The following SALL1 variants were observed in gnomAD, a reference collection of about 807,000 sequenced individuals.
SALL1 encodes spalt like transcription factor 1.
A neutral mutation model predicts 73.1 loss-of-function variants in SALL1; 10 were observed. The ratio of observed to expected loss-of-function variants is 0.14; its 90% CI spans 0.08 to 0.23. The LOEUF (loss-of-function observed/expected upper bound fraction) is 0.23. Among genes scored for constraint, SALL1 ranks in the 10% least tolerant of loss-of-function variants. SALL1 has a pLI of 1.00. For synonymous variants in SALL1, 688 were observed against 689.8 expected (o/e 1.00, Z 0.04); for missense variants, 1,520 against 1,697.3 (o/e 0.90, Z 1.84).
intron 1 of SALL1, 75 bp downstream of exon 1, chr16:51,151,091 G>A: frequency 1.8e-6 from 2 of 1,082,410 alleles, no homozygotes; most frequent in Non-Finnish European, 2.5e-6. Context: ...GGGGCCAGCC[G>A]CGTGTGAGTG....
Position 51,140,978 on chromosome 16 carries a change from T to G in SALL1, c.1244A>C (p.Asp415Ala), listed in dbSNP as rs1314020183. The G allele has an allele frequency of 1.9e-6, 3 of 1,614,094 alleles. No individual in the cohort carries two copies. Among genetic ancestry groups the G allele is most frequent in the Non-Finnish European group, 2.5e-6 (3 of 1,180,048 alleles). ...GGCCAAGGCAGACAAGGAGTTTAAA[T>G]CCTCTGCAGTTGTTCCGATGTTGGG... ...PLPNIGTTAE[D>A]LNSLSALAQQ... The change falls in exon 2 of 3, where the codon GAT becomes GCT. Residue 415 changes from aspartate to alanine, a missense_variant. By Grantham distance (126) the Asp-to-Ala change is moderately radical. This residue lies in a region of SALL1 where 540 missense variants were observed against 567.5 expected (regional missense o/e 0.95). Coordinates refer to ENST00000251020, the MANE Select transcript of SALL1 (RefSeq NM_002968.3). This position sits in a 1 kb window ranked among gnomAD's most constrained non-coding sequence, Gnocchi z 5.7.
rs778181416 is a variant in SALL1 at position 51,140,132 on chromosome 16, T to C, written c.2090A>G (p.Asn697Ser). 1 of 1,614,114 alleles carries C rather than the reference T, an allele frequency of 6.2e-7. No individual in the cohort carries two copies. The change falls in exon 2 of 3, where the codon AAC becomes AGC. Residue 697 changes from asparagine to serine, a missense_variant. Transcript: ENST00000251020. This position sits in a 1 kb window ranked among gnomAD's most constrained non-coding sequence, Gnocchi z 5.7. ...ETSKLQQLVE[N>S]IDKKATDPNE... ...GGGGTCAGTGGCCTTCTTGTCAATGTTTTCTACCAGTTGCTGAAGCTTGGA... is the reference window on the plus strand; with the variant it reads ...GGGGTCAGTGGCCTTCTTGTCAATGCTTTCTACCAGTTGCTGAAGCTTGGA...
intron 1 of SALL1, among the ~76,000 whole-genome samples, chr16:51,148,569 G>A (rs993911768): frequency 1.3e-5 from 2 of 152,214 alleles, no homozygotes; most frequent in Non-Finnish European, 2.9e-5. Flanking sequence ...ACTCCTAGAA[G>A]TATGGGTTAT....
At position 51,140,891 on chromosome 16, in the gene SALL1, T is replaced by G. The variant is rs915039145; in HGVS notation, c.1331A>C (p.Glu444Ala). The change falls in exon 2 of 3, where the codon GAG (glutamate) becomes GCG (alanine). Residue 444 changes from glutamate to alanine, a missense_variant. By Grantham distance (107) the Glu-to-Ala change is moderately radical. Around this residue, in one of 7 missense-constraint regions of SALL1, gnomAD observed 540 missense variants for 567.5 expected, o/e 0.95. Coordinates refer to ENST00000251020, the MANE Select transcript of SALL1 (RefSeq NM_002968.3). The surrounding 1 kb of genome is among the most constrained non-coding windows in gnomAD (Gnocchi z 5.7). ...TAFEAKSTSDEAFFKHKCRFC... is the reference protein window; with the variant it reads ...TAFEAKSTSDAAFFKHKCRFC... Reference sequence around the variant, plus strand: ...CCTGCACTTGTGTTTGAAGAATGCCTCATCGGAAGTACTTTTCGCTTCAAA... The same window carrying G: ...CCTGCACTTGTGTTTGAAGAATGCCGCATCGGAAGTACTTTTCGCTTCAAA... 3 of 1,614,092 alleles carry G rather than the reference T, an allele frequency of 1.9e-6. No individual in the cohort carries two copies. Among genetic ancestry groups the G allele is most frequent in the Non-Finnish European group, 2.5e-6 (3 of 1,180,054 alleles).
At position 51,139,072 on chromosome 16, in the gene SALL1, T is replaced by C. The variant is rs1360910953; in HGVS notation, c.3150A>G (p.Thr1050=). The C allele has an allele frequency of 6.2e-7, 1 of 1,614,076 alleles. No homozygotes were observed. The highest frequency in any genetic ancestry group is 1.3e-5 in the African/African-American group (1 of 74,916). Residue 1050 remains threonine (T), a synonymous_variant, in exon 2 of 3, where the codon ACA becomes ACG. Transcript: ENST00000251020. Reference sequence around the variant, plus strand: ...GGGATGGCAGATCTCGCATCTGATGTGTCAACATGTGCTGCTTCAAATTAC... The same window carrying C: ...GGGATGGCAGATCTCGCATCTGATGCGTCAACATGTGCTGCTTCAAATTAC... The part of the protein sequence containing the change: ...TKGNLKQHML[T]HQMRDLPSQL...
In SALL1 at chr16:51,138,766, G is replaced by A. The variant is rs11645288; in HGVS notation, c.3456C>T (p.His1152=). The stretch of plus-strand genomic sequence containing the variant: ...GTTTCTCTCCAGTGTGAGTTCTCTC[G>A]TGAATCTGCAGGGCACTCGATGAGG... ...TFSSSSALQI[H]ERTHTGEKPF... The change falls in exon 2 of 3, where the codon CAC becomes CAT. Residue 1152 remains histidine, a synonymous_variant. Coordinates refer to ENST00000251020, the MANE Select transcript of SALL1 (RefSeq NM_002968.3). 0.19 allele frequency: 309,973 copies of A among 1,613,986 alleles called. 31,502 individuals are homozygous for A. The highest frequency in any genetic ancestry group is 0.32 in the Middle Eastern group (1,919 of 6,056).
Position 51,141,277 on chromosome 16 carries a change from C to A in SALL1, c.945G>T (p.Gln315His). 6.2e-7 allele frequency: 1 copy of A among 1,614,074 alleles called. No homozygotes were observed. ...TCTGAGGTAGCTGGATTGGGGGTAG[C>A]TGTTTCACACCACTAATGCTGGCAG... is the stretch of plus-strand genomic sequence containing the variant. The part of the protein sequence containing the change: ...SQSASISGVK[Q>H]LPPIQLPQSS... The change falls in exon 2 of 3, where the codon CAG (glutamine) becomes CAT (histidine). Residue 315 changes from glutamine to histidine, a missense_variant. By Grantham distance (24) the Gln-to-His change is conservative. This residue lies in a region of SALL1 where 540 missense variants were observed against 567.5 expected (regional missense o/e 0.95). Transcript: ENST00000251020. This position sits in a 1 kb window ranked among gnomAD's most constrained non-coding sequence, Gnocchi z 5.4.
intron 1 of SALL1, chr16:51,150,918 G>C: frequency 2.6e-6 from 1 of 389,768 alleles, no homozygotes; most frequent in Non-Finnish European, 4.6e-6. Context: ...CCCCCGGGAG[G>C]ACCCAACAAC....
rs991970546 is a variant in SALL1, at chr16:51,150,641, G to A, written c.76+525C>T. On this transcript the variant is annotated intron_variant, in intron 1 of 2. Coordinates refer to ENST00000251020, the MANE Select transcript of SALL1 (RefSeq NM_002968.3). Reference sequence around the variant, plus strand: ...CAGGCCGAGGGGGAGTGTGCGTGGGGGCAGGGGGGCGCAGCGAACTCCCCC... The same window carrying A: ...CAGGCCGAGGGGGAGTGTGCGTGGGAGCAGGGGGGCGCAGCGAACTCCCCC... 4 of 914,602 alleles carry A rather than the reference G, an allele frequency of 4.4e-6. No individual in the cohort carries two copies. The African/African-American group carries it at 5.4e-5, about 12-fold the overall frequency. The allele number at this position is 914,602 out of a possible 1,614,324, so 56.7% of individuals were successfully genotyped here.
chr16:51,151,262 GGGCAGAATAAAA>G, exon 1 of SALL1: 1 of 1,534,628 alleles, frequency 6.5e-7, no homozygotes, highest in African/African-American at 1.4e-5. Flanking sequence ...ACATCAGCTG[GGGCAGAATAAAA>G]AATTACTAAA....
Position 51,140,220 on chromosome 16 carries a change from C to T in SALL1, c.2002G>A (p.Glu668Lys), listed in dbSNP as rs763206883. Residue 668 changes from glutamate to lysine, a missense_variant, in exon 2 of 3, where the codon GAG (glutamate) becomes AAG (lysine). Around this residue, in one of 7 missense-constraint regions of SALL1, gnomAD observed 276 missense variants for 259.1 expected, o/e 1.07. Transcript: ENST00000251020. This position sits in a 1 kb window ranked among gnomAD's most constrained non-coding sequence, Gnocchi z 5.7. ...AAAGGAAACTTGGCCTTGAACTGCT[C>T]GGACATGAGCGGCAACAAAGGGTTG... ...FTNPLLPLMS[E>K]QFKAKFPFGG... 8.7e-6 allele frequency: 14 copies of T among 1,614,008 alleles called. No individual in the cohort carries two copies. The highest frequency in any genetic ancestry group is 1.2e-5 in the Non-Finnish European group (14 of 1,180,036).
upstream of SALL1, chr16:51,151,342 G>A (rs903938775): frequency 1.3e-5 from 8 of 621,226 alleles, no homozygotes; most frequent in Non-Finnish European, 1.8e-5. Context: ...GGCTCCCCCC[G>A]CCCGCCGGCC....
chr16:51,137,521 G>T lies in SALL1; in HGVS notation c.3566C>A (p.Thr1189Asn), dbSNP rs777704016. The stretch of plus-strand genomic sequence containing the variant: ...GAGCCGCCGACCCCGTCGTGCAGGG[G>T]TGCTATTCCACATGTGAGTGCCCAT... ...VHMGTHMWNS[T>N]PARRGRRLSV... Residue 1189 changes from threonine (T) to asparagine (N), a missense_variant, in exon 3 of 3, where the codon ACC becomes AAC. Transcript: ENST00000251020. 1.2e-6 allele frequency: 2 copies of T among 1,613,798 alleles called. No individual in the cohort carries two copies. The highest frequency in any genetic ancestry group is 1.7e-5 in the Admixed American group (1 of 60,002).
Position 51,141,889 on chromosome 16 carries a change from G to A in SALL1, c.333C>T (p.Ser111=). Residue 111 remains serine, a synonymous_variant, in exon 2 of 3, where the codon AGC becomes AGT. Coordinates refer to ENST00000251020, the MANE Select transcript of SALL1 (RefSeq NM_002968.3). This position sits in a 1 kb window ranked among gnomAD's most constrained non-coding sequence, Gnocchi z 5.4. ...TVNKTDQVDC[S]DLSEHNGLDR... Reference sequence around the variant, plus strand: ...CAAGTCCGTTGTGTTCTGAAAGGTCGCTGCAGTCCACTTGATCTGTTTTGT... The same window carrying A: ...CAAGTCCGTTGTGTTCTGAAAGGTCACTGCAGTCCACTTGATCTGTTTTGT... 6.8e-6 allele frequency: 11 copies of A among 1,613,864 alleles called. No homozygotes were observed. Among genetic ancestry groups the A allele is most frequent in the South Asian group, 1.1e-5 (1 of 91,066 alleles).
rs763136342 is a variant in SALL1 at position 51,137,160 on chromosome 16, G to T, written c.3927C>A (p.Phe1309Leu). The change falls in exon 3 of 3, where the codon TTC becomes TTA. Residue 1309 changes from phenylalanine (F) to leucine (L), a missense_variant. Coordinates refer to ENST00000251020, the MANE Select transcript of SALL1 (RefSeq NM_002968.3). ...KMASSENGTN[F>L]RFTRFVEDSK... ...TGTCCTCCACGAAGCGGGTGAAGCG[G>T]AAGTTGGTTCCGTTCTCACTGCTTG... is the stretch of plus-strand genomic sequence containing the variant. 1.9e-6 allele frequency: 3 copies of T among 1,614,166 alleles called. No homozygotes were observed. In the South Asian group the frequency reaches 3.3e-5, roughly 18 times the overall value.
intron 1 of SALL1, among the ~76,000 whole-genome samples, chr16:51,144,853 G>GA (rs1000315627): frequency 6.6e-6 from 1 of 152,068 alleles, no homozygotes; most frequent in African/African-American, 2.4e-5. Flanking sequence ...GCTTTTAAGA[G>GA]ACTGTGTTAA....
In SALL1 at chr16:51,139,593, G is replaced by A. The variant is rs771132169; in HGVS notation, c.2629C>T (p.Leu877=). 26 of 1,613,860 alleles carry A rather than the reference G, an allele frequency of 1.6e-5. No homozygotes were observed. The highest frequency in any genetic ancestry group is 2.1e-5 in the Non-Finnish European group (25 of 1,179,844). ...ENQMKMINAG[L]AEQLQASLKS... is the part of the protein sequence containing the mutation. ...AGGCTGGCCTGTAGCTGCTCTGCCA[G>A]GCCAGCATTGATCATCTTCATCTGA... Residue 877 remains leucine, a synonymous_variant, in exon 2 of 3, where the codon CTG becomes TTG. Coordinates refer to ENST00000251020, the MANE Select transcript of SALL1 (RefSeq NM_002968.3).
At chr16:51,142,674 A>C (rs2143455056) in intron 1 of SALL1, among the ~76,000 whole-genome samples, 1 of 152,278 alleles carries the variant, frequency 6.6e-6, no homozygotes. Flanking sequence ...GACAACTTGA[A>C]AATCACCTCA....
intron 1 of SALL1, chr16:51,150,821 C>T: frequency 4.4e-6 from 1 of 228,446 alleles, no homozygotes; most frequent in East Asian, 8.6e-5. Flanking sequence ...CGCACCCACG[C>T]CTCATGGGGC....
Sources: allele counts gnomAD v4.1 joint callset (sites outside exome capture counted in the v4.1 genomes callset), GRCh38; gene constraint gnomAD v4.1.1; regional missense constraint gnomAD v4.1.1; non-coding constraint Gnocchi (gnomAD v3.1); transcripts MANE v1.5; gene names NCBI Gene and HGNC (gene_info 2026-07-23, HGNC 2026-07-21).